The following BAAT variants were observed in gnomAD, a reference collection of about 807,000 sequenced individuals.
BAAT encodes bile acid CoA: amino acid N-acyltransferase (glycine N-choloyltransferase).
BAAT carries 13 observed loss-of-function variants against 18.9 expected under a neutral mutation model. The ratio of observed to expected loss-of-function variants is 0.69; its 90% confidence interval spans 0.45 to 1.10. The LOEUF is 1.10. Among genes scored for constraint, BAAT ranks in the 50% least tolerant of loss-of-function variants. The pLI, the probability that BAAT is intolerant of heterozygous loss-of-function variation, is 0.00. For synonymous variants in BAAT, 170 were observed against 190.7 expected (o/e 0.89, Z 0.89); for missense variants, 489 against 504.0 (o/e 0.97, Z 0.28).
Position 101,371,396 on chromosome 9 carries a change from C to T in BAAT, c.9G>A (p.Gln3=), listed in dbSNP as rs149369902. 4.2e-5 allele frequency: 67 copies of T among 1,609,714 alleles called. No homozygotes were observed. In the African/African-American group the frequency reaches 8.4e-4, roughly 20 times the overall value. ...GTGCACTCACAGGGGTAGCTGTCAA[C>T]TGGATCATTTTTTTAGTGTGGCACC... MI[Q]LTATPVSALV... Residue 3 remains glutamine (Q), a synonymous_variant, in exon 2 of 4, where the codon CAG becomes CAA. Transcript: ENST00000259407.
intron 1 of BAAT, among the ~76,000 whole-genome samples, chr9:101,381,046 C>A (rs569672795): frequency 6.6e-6 from 1 of 151,896 alleles, no homozygotes. Context: ...CATGAGCCAC[C>A]GCACCTGGCT....
At chr9:101,380,929 G>GT (rs975954703) in intron 1 of BAAT, among the ~76,000 whole-genome samples, 12 of 151,482 alleles carry the variant, frequency 7.9e-5, no homozygotes, top group South Asian at 2.1e-4. Flanking sequence ...ATTTTTTTGT[G>GT]TTTTTTTAGT....
At position 101,362,662 on chromosome 9, in the gene BAAT, T is replaced by C. The variant is rs778109575; in HGVS notation, c.1023A>G (p.Ile341Met). 3.7e-6 allele frequency: 6 copies of C among 1,614,170 alleles called. No individual in the cohort carries two copies. Among genetic ancestry groups the C allele is most frequent in the Non-Finnish European group, 5.1e-6 (6 of 1,180,036 alleles). Residue 341 changes from isoleucine to methionine, a missense_variant, in exon 4 of 4, where the codon ATA becomes ATG. Coordinates refer to ENST00000259407, the MANE Select transcript of BAAT (RefSeq NM_001701.4). Reference protein sequence around the residue: ...INSKAHAEQAIGQLKRHGKNN... With the variant: ...INSKAHAEQAMGQLKRHGKNN... ...TCTTCCCATGTCTCTTCAGCTGTCC[T>C]ATGGCTTGTTCAGCGTGTGCTTTGC... is the stretch of plus-strand genomic sequence containing the variant.
chr9:101,364,500 T>C (rs1829793349), intron 3 of BAAT, among the ~76,000 whole-genome samples: 1 of 152,200 alleles, frequency 6.6e-6, no homozygotes, highest in African/African-American at 2.4e-5. Context: ...TAAGATACCT[T>C]ATGCTGATGT....
chr9:101,365,442 T>C (rs1388721403), intron 3 of BAAT, among the ~76,000 whole-genome samples: 1 of 152,144 alleles, frequency 6.6e-6, no homozygotes, highest in African/African-American at 2.4e-5. Flanking sequence ...TCCTACCCTG[T>C]ATATTTAACA....
At chr9:101,363,087 A>G in intron 3 of BAAT, 72 bp from the exon 4 acceptor site, 1 of 1,415,252 alleles carries the variant, frequency 7.1e-7, no homozygotes, top group Non-Finnish European at 9.8e-7. Flanking sequence ...TCAAACAACC[A>G]AAGAACTTCA....
At chr9:101,383,323 T>C (rs1474416425) in intron 1 of BAAT, 3 of 152,208 alleles carry the variant, frequency 2.0e-5, no homozygotes, top group African/African-American at 7.2e-5. Context: ...GCTGAGATTA[T>C]GAAATGAACA....
intron 3 of BAAT, among the ~76,000 whole-genome samples, chr9:101,364,000 C>A (rs1390453673): frequency 6.6e-6 from 1 of 152,070 alleles, no homozygotes; most frequent in Non-Finnish European, 1.5e-5. Context: ...TAGAGTGAGA[C>A]CCTGTCTCAA....
intron 1 of BAAT, among the ~76,000 whole-genome samples, chr9:101,371,699 C>T (rs1416504619): frequency 1.3e-5 from 2 of 152,116 alleles, no homozygotes; most frequent in African/African-American, 4.8e-5. Context: ...AAAGAAGCAG[C>T]AGCCAAAATA....
chr9:101,382,522 A>G (rs80157758), intron 1 of BAAT, among the ~76,000 whole-genome samples: 1,868 of 152,268 alleles, frequency 0.012, 42 homozygotes, highest in African/African-American at 0.042. Context: ...CCTAGGTTCA[A>G]GGATGAACGA....
At position 101,371,048 on chromosome 9, in the gene BAAT, G is replaced by C. The variant is rs1400458090; in HGVS notation, c.357C>G (p.Ala119=). ...AAGTCAGGCTGGCCTTTGGAGCACT[G>C]GCAACTTTATTGTTCACTATTAACT... ...DLELIVNNKV[A]SAPKASLTLE... Residue 119 remains alanine, a synonymous_variant, in exon 2 of 4, where the codon GCC becomes GCG. Coordinates refer to ENST00000259407, the MANE Select transcript of BAAT (RefSeq NM_001701.4). 6.2e-7 allele frequency: 1 copy of C among 1,614,036 alleles called. No homozygotes were observed. The highest frequency in any genetic ancestry group is 1.7e-5 in the Admixed American group (1 of 59,974).
chr9:101,366,074 C>G (rs1829821468), intron 3 of BAAT, among the ~76,000 whole-genome samples: 1 of 152,094 alleles, frequency 6.6e-6, no homozygotes, highest in African/African-American at 2.4e-5. Context: ...ATCACCAGAT[C>G]TTAGTCTTCT....
In BAAT at chr9:101,368,300, T is replaced by C. The variant is rs1259109725; in HGVS notation, c.489A>G (p.Val163=). ...CACCCAAACCACCAAACAAATCAATTACCCCTGGGAAGAGACCCTCTCCTG... is the reference window on the plus strand; with the variant it reads ...CACCCAAACCACCAAACAAATCAATCACCCCTGGGAAGAGACCCTCTCCTG... ...LPPGEGLFPG[V]IDLFGGLGGL... The change falls in exon 3 of 4, where the codon GTA becomes GTG. Residue 163 remains valine (V), a synonymous_variant. Transcript: ENST00000259407. 2.5e-6 allele frequency: 4 copies of C among 1,612,440 alleles called. No homozygotes were observed. The highest frequency in any genetic ancestry group is 1.3e-5 in the African/African-American group (1 of 74,812).
intron 2 of BAAT, 30 bp from the exon 3 acceptor site, chr9:101,368,352 G>A (rs1293577828): frequency 1.9e-6 from 3 of 1,594,904 alleles, no homozygotes; most frequent in African/African-American, 2.7e-5. Flanking sequence ...AATTGTACAT[G>A]AAGAGAAGGT....
In BAAT at chr9:101,362,927, G is replaced by A; in HGVS notation, c.758C>T (p.Ala253Val). 1 of 1,613,964 alleles carries A rather than the reference G, an allele frequency of 6.2e-7. No individual in the cohort carries two copies. The highest frequency in any genetic ancestry group is 8.5e-7 in the Non-Finnish European group (1 of 1,179,944). The change falls in exon 4 of 4, where the codon GCC (alanine) becomes GTC (valine). Residue 253 changes from alanine (A) to valine (V), a missense_variant. Coordinates refer to ENST00000259407, the MANE Select transcript of BAAT (RefSeq NM_001701.4). Reference sequence around the variant, plus strand: ...GTTGGTCCCATTAATAAGTACCGTGGCTGTGACTTGCTTTAGGTAAATAGC... The same window carrying A: ...GTTGGTCCCATTAATAAGTACCGTGACTGTGACTTGCTTTAGGTAAATAGC... ...SMAIYLKQVT[A>V]TVLINGTNFP...
At chr9:101,371,934 T>TA (rs1326907179) in intron 1 of BAAT, among the ~76,000 whole-genome samples, 1 of 151,320 alleles carries the variant, frequency 6.6e-6, no homozygotes, top group Non-Finnish European at 1.5e-5. Flanking sequence ...CAACAGAACA[T>TA]AAAAAAATAG....
At chr9:101,381,293 A>G (rs1393545115) in intron 1 of BAAT, among the ~76,000 whole-genome samples, 1 of 151,868 alleles carries the variant, frequency 6.6e-6, no homozygotes, top group Non-Finnish European at 1.5e-5. Flanking sequence ...AGGCTGAGGT[A>G]TGAGGACCGG....
chr9:101,378,338 G>T (rs1230059951), intron 1 of BAAT, among the ~76,000 whole-genome samples: 2 of 152,026 alleles, frequency 1.3e-5, no homozygotes, highest in African/African-American at 4.8e-5. Flanking sequence ...ATACTACAAG[G>T]CTACAGTAAA....
intron 1 of BAAT, among the ~76,000 whole-genome samples, chr9:101,377,759 A>G (rs558501758): frequency 6.6e-6 from 1 of 152,298 alleles, no homozygotes; most frequent in African/African-American, 2.4e-5. Flanking sequence ...AGCCAGGGCA[A>G]TAAGGCAAGA....
Sources: allele counts gnomAD v4.1 joint callset (sites outside exome capture counted in the v4.1 genomes callset), GRCh38; gene constraint gnomAD v4.1.1; transcripts MANE v1.5; gene names NCBI Gene and HGNC (gene_info 2026-07-23, HGNC 2026-07-21).